Variants in PLCG2 observed in about 807,000 individuals in gnomAD.
PLCG2 encodes phospholipase C gamma 2, also known as 1-phosphatidylinositol 4,5-bisphosphate phosphodiesterase gamma-2.
PLCG2 carries 69 observed loss-of-function variants against 175.6 expected under a neutral mutation model. The observed-to-expected ratio is 0.39, with a 90% CI of 0.32 to 0.48. The LOEUF is 0.48. Ranked by LOEUF, PLCG2 falls within the 20% of genes least tolerant of loss-of-function variation. The pLI, the probability that PLCG2 is intolerant of heterozygous loss-of-function variation, is 0.91. For missense variants in PLCG2, 1,798 were observed against 1,650.9 expected, an observed-to-expected ratio of 1.09 and a Z score of -1.54; for synonymous variants, 827 against 624.0, an observed-to-expected ratio of 1.33 and a Z score of -4.85.
chr16:81,823,291 G>T (rs1193279505), intron 2 of PLCG2, among the ~76,000 whole-genome samples: 1 of 152,180 alleles, frequency 6.6e-6, no homozygotes, highest in African/African-American at 2.4e-5. Flanking sequence ...CTGTGGCCGG[G>T]GCAGCTGCAG....
chr16:81,902,195 C>G (rs573414826), intron 14 of PLCG2, among the ~76,000 whole-genome samples: 192 of 152,336 alleles, frequency 1.3e-3, no homozygotes, highest in African/African-American at 4.3e-3. Flanking sequence ...GCGGGGCAGC[C>G]TTTCATGGAA....
chr16:81,826,765 C>A (rs971997002), intron 2 of PLCG2, among the ~76,000 whole-genome samples: 3 of 152,214 alleles, frequency 2.0e-5, no homozygotes, highest in Admixed American at 1.3e-4. Flanking sequence ...CATAAAGTAG[C>A]AAGAACCTTC....
At chr16:81,855,862 G>A (rs375287882) in intron 3 of PLCG2, among the ~76,000 whole-genome samples, 1 of 152,136 alleles carries the variant, frequency 6.6e-6, no homozygotes, top group Non-Finnish European at 1.5e-5. Flanking sequence ...AATGAGGAGC[G>A]AATGTCTGAC....
At chr16:81,877,973 A>ATTTTTTTTTTTTTT (rs71146052) in intron 7 of PLCG2, among the ~76,000 whole-genome samples, 1 of 55,762 alleles carries the variant, frequency 1.8e-5, no homozygotes, top group Non-Finnish European at 3.0e-5. Flanking sequence ...TTTTTTTTTA[A>ATTTTTTTTTTTTTT]TTTTTTTTTT....
intron 8 of PLCG2, 65 bp downstream of exon 8, chr16:81,881,018 G>A (rs1218268120): frequency 2.8e-5 from 42 of 1,525,630 alleles, no homozygotes; most frequent in Non-Finnish European, 3.5e-5. Context: ...GTGCCCAGCC[G>A]GCCTCCAGGA....
chr16:81,842,084 G>A (rs1293361448), intron 2 of PLCG2, among the ~76,000 whole-genome samples: 1 of 152,206 alleles, frequency 6.6e-6, no homozygotes. Context: ...CTTGTACAGC[G>A]GAGGAAACAG....
rs1405870465 is a variant in PLCG2, at chr16:81,750,342, C to T, written c.-144-5528C>T. Among the ~76,000 whole-genome samples the T allele has an allele frequency of 2.0e-5, 3 of 150,190 alleles. No homozygotes were observed. In the South Asian group the frequency reaches 6.3e-4, roughly 31 times the overall value. On this transcript the variant is annotated intron_variant, in intron 1 of 5. Coordinates refer to the PLCG2 transcript ENST00000565054. ...GGTTGAGACAGAAGAATCCCTTGAACCTGGGAGGGGAAGATTGCAGTGAGC... is the reference window on the plus strand; with the variant it reads ...GGTTGAGACAGAAGAATCCCTTGAATCTGGGAGGGGAAGATTGCAGTGAGC...
intron 2 of PLCG2, among the ~76,000 whole-genome samples, chr16:81,797,514 G>A (rs150580037): frequency 5.6e-4 from 85 of 152,330 alleles, no homozygotes; most frequent in African/African-American, 1.9e-3. Flanking sequence ...GACTAAGAGT[G>A]CTGGGAGGCC....
chr16:81,864,962 C>A (rs1258637256), intron 5 of PLCG2, among the ~76,000 whole-genome samples: 2 of 152,092 alleles, frequency 1.3e-5, no homozygotes, highest in Non-Finnish European at 2.9e-5. Context: ...AACCCACAGC[C>A]CTAGGTTGAG....
chr16:81,926,433 T>C (rs1185403070), intron 22 of PLCG2, among the ~76,000 whole-genome samples: 1 of 152,226 alleles, frequency 6.6e-6, no homozygotes, highest in Non-Finnish European at 1.5e-5. Context: ...GCTCACCGTC[T>C]GGTGGGGTCC....
chr16:81,796,140 GC>G (rs1380849520), intron 2 of PLCG2, among the ~76,000 whole-genome samples: 2 of 152,224 alleles, frequency 1.3e-5, no homozygotes, highest in Non-Finnish European at 2.9e-5. Flanking sequence ...GAAGTGGTGA[GC>G]CACTGGCACT....
chr16:81,846,169 T>G (rs9673682), intron 2 of PLCG2, among the ~76,000 whole-genome samples: 49,750 of 152,034 alleles, frequency 0.33, 9,035 homozygotes, highest in East Asian at 0.63. Context: ...CTAGAAGAAA[T>G]CTGCATCACC....
upstream of PLCG2, among the ~76,000 whole-genome samples, chr16:81,777,485 G>A (rs919331462): frequency 2.0e-5 from 3 of 149,576 alleles, no homozygotes; most frequent in African/African-American, 7.4e-5. Flanking sequence ...GCCCCTAGAT[G>A]TAGTCATTTT....
At chr16:81,885,617 G>C (rs559354109) in intron 9 of PLCG2, among the ~76,000 whole-genome samples, 2 of 136,074 alleles carry the variant, frequency 1.5e-5, no homozygotes, top group East Asian at 2.6e-4. Context: ...TTCTCTCACA[G>C]ATAGAACTTT....
At chr16:81,888,556 A>G (rs944525632) in intron 9 of PLCG2, among the ~76,000 whole-genome samples, 1 of 152,152 alleles carries the variant, frequency 6.6e-6, no homozygotes, top group Non-Finnish European at 1.5e-5. Flanking sequence ...GATTTTATAC[A>G]ATGCTTCATA....
intron 26 of PLCG2, chr16:81,935,737 T>C (rs1597143200): frequency 2.0e-6 from 2 of 985,236 alleles, no homozygotes; most frequent in Non-Finnish European, 2.4e-6. Flanking sequence ...GGCACCCACA[T>C]TGCAACCCTA....
chr16:81,835,637 A>C (rs1157606614), intron 2 of PLCG2, among the ~76,000 whole-genome samples: 13 of 152,036 alleles, frequency 8.6e-5, no homozygotes, highest in Non-Finnish European at 1.9e-4. Context: ...TAATAGGAAA[A>C]CCATGTTATT....
At chr16:81,763,938 G>T (rs1597306395) in intron 2 of PLCG2, among the ~76,000 whole-genome samples, 1 of 152,170 alleles carries the variant, frequency 6.6e-6, no homozygotes, top group South Asian at 2.1e-4. Flanking sequence ...CTGCACTCCA[G>T]CCTGGGCGAC....
intron 1 of PLCG2, 72 bp downstream of exon 1, chr16:81,779,496 G>T (rs1416274978): frequency 6.6e-6 from 1 of 151,764 alleles, no homozygotes; most frequent in Non-Finnish European, 1.5e-5. Context: ...CCGGCTCCCA[G>T]GGCGCTGCGT....
Sources: allele counts gnomAD v4.1 joint callset (sites outside exome capture counted in the v4.1 genomes callset), GRCh38; gene constraint gnomAD v4.1.1; transcripts MANE v1.5; gene names NCBI Gene and HGNC (gene_info 2026-07-23, HGNC 2026-07-21).